Variants in PRKG1 observed in about 807,000 individuals in gnomAD.
PRKG1 encodes the protein protein kinase cGMP-dependent 1.
In PRKG1, 35 loss-of-function variants were observed where a neutral mutation model predicts 88.1. The ratio of observed to expected loss-of-function variants is 0.40; its 90% confidence interval spans 0.30 to 0.53. The LOEUF (loss-of-function observed/expected upper bound fraction) is 0.53, where lower values mean the gene tolerates loss of function less well. PRKG1 is among the 20% of genes least tolerant of loss of function. The probability of loss-of-function intolerance (pLI) is 0.59; values close to 1 mark genes in which losing one functional copy is unlikely to be tolerated. For synonymous variants in PRKG1, 303 were observed against 292.5 expected (o/e 1.04, Z -0.37); for missense variants, 540 against 839.8 (o/e 0.64, Z 4.41).
chr10:51,790,146 CTT>C (rs1166633397), intron 3 of PRKG1, among the ~76,000 whole-genome samples: 3 of 152,150 alleles, frequency 2.0e-5, no homozygotes, highest in African/African-American at 4.8e-5. Flanking sequence ...AATTTTCCCT[CTT>C]AACTTTGCAG....
At chr10:52,184,473 TTAATC>T (rs1224479459) in intron 9 of PRKG1, among the ~76,000 whole-genome samples, 1 of 152,254 alleles carries the variant, frequency 6.6e-6, no homozygotes, top group African/African-American at 2.4e-5. Flanking sequence ...CATTTCTAAA[TTAATC>T]TATTCATAGG....
rs146106459 is a variant in PRKG1, at chr10:51,304,405, G to A, written c.478+151075G>A. Among the ~76,000 whole-genome samples, 409 of 152,202 alleles carry A rather than the reference G, an allele frequency of 2.7e-3. 1 individual carries two copies. The highest frequency in any genetic ancestry group is 9.4e-3 in the African/African-American group (392 of 41,530). ...ATTAAGTTGAATATCAAAGGATGAT[G>A]TAAAATCTATTTTAATCATATACTA... On this transcript the variant is annotated intron_variant, in intron 2 of 17. Transcript: ENST00000373980.
At chr10:51,938,425 G>T (rs1842840269) in intron 5 of PRKG1, among the ~76,000 whole-genome samples, 1 of 151,954 alleles carries the variant, frequency 6.6e-6, no homozygotes, top group Non-Finnish European at 1.5e-5. Flanking sequence ...ATAAGAGGGG[G>T]TCATTGTTGG....
At chr10:51,505,933 A>G (rs1841187255) in intron 3 of PRKG1, among the ~76,000 whole-genome samples, 2 of 140,832 alleles carry the variant, frequency 1.4e-5, no homozygotes, top group Middle Eastern at 3.4e-3. Context: ...TCCTGGATTC[A>G]CTGATATTTT....
chr10:51,516,868 G>C (rs1379362066), intron 3 of PRKG1, among the ~76,000 whole-genome samples: 1 of 152,120 alleles, frequency 6.6e-6, no homozygotes, highest in Non-Finnish European at 1.5e-5. Context: ...ATTTTAGTGG[G>C]GGAGGTAGGC....
intron 5 of PRKG1, among the ~76,000 whole-genome samples, chr10:51,923,835 CT>C (rs199792932): frequency 7.1e-4 from 102 of 144,580 alleles, no homozygotes; most frequent in East Asian, 3.0e-3. Context: ...TTTTCTAATG[CT>C]TTTTTTTTTT....
intron 3 of PRKG1, among the ~76,000 whole-genome samples, chr10:51,749,626 T>G (rs988087115): frequency 6.6e-6 from 1 of 152,208 alleles, no homozygotes; most frequent in African/African-American, 2.4e-5. Flanking sequence ...GGTAAAATTG[T>G]CCTCAGCAAG....
chr10:51,656,572 T>C (rs1236729524), intron 3 of PRKG1, among the ~76,000 whole-genome samples: 1 of 152,122 alleles, frequency 6.6e-6, no homozygotes, highest in African/African-American at 2.4e-5. Flanking sequence ...ATTTGTGTAA[T>C]TCAAACTCTC....
At chr10:51,557,152 T>C (rs907320810) in intron 3 of PRKG1, among the ~76,000 whole-genome samples, 2 of 152,034 alleles carry the variant, frequency 1.3e-5, no homozygotes, top group South Asian at 2.1e-4. Context: ...TTCCCTCTCA[T>C]TGTGGTCTTT....
At position 52,039,413 on chromosome 10, in the gene PRKG1, C is replaced by T. The variant is rs576856074; in HGVS notation, c.763-15071C>T. Among the ~76,000 whole-genome samples the T allele has an allele frequency of 7.9e-5, 12 of 152,186 alleles. No individual in the cohort carries two copies. The East Asian group carries it at 2.3e-3, about 30-fold the overall frequency. The stretch of plus-strand genomic sequence containing the variant: ...ACTTAAGGCAAGGACTGGCCATTTA[C>T]ACTTCTTTTGTGGTGGAATGTCATC... On this transcript the variant is annotated intron_variant, in intron 5 of 17. Coordinates refer to ENST00000373980, the MANE Select transcript of PRKG1 (RefSeq NM_006258.4).
intron 4 of PRKG1, among the ~76,000 whole-genome samples, chr10:51,831,996 A>C (rs1006430792): frequency 1.3e-5 from 2 of 152,132 alleles, no homozygotes; most frequent in African/African-American, 2.4e-5. Flanking sequence ...TCTAAATTTG[A>C]TATAATAAGT....
intron 9 of PRKG1, among the ~76,000 whole-genome samples, chr10:52,196,836 GTTA>G (rs568062464): frequency 1.6e-4 from 24 of 152,118 alleles, no homozygotes; most frequent in Non-Finnish European, 3.2e-4. Context: ...TTTGAAATAA[GTTA>G]TTATGATAGT....
chr10:51,486,752 A>G (rs889797454), intron 3 of PRKG1, among the ~76,000 whole-genome samples: 3 of 152,154 alleles, frequency 2.0e-5, no homozygotes, highest in African/African-American at 7.2e-5. Flanking sequence ...ATCATTAACA[A>G]TTTAGGGTTC....
In PRKG1 at chr10:51,618,854, C is replaced by T. The variant is rs527690155; in HGVS notation, c.592+151018C>T. ...CACAATCTTGACTTACTGCAACTTC[C>T]GCCTCCTGGGTTCAAGCAATCCTCC... On this transcript the variant is annotated intron_variant, in intron 3 of 17. Coordinates refer to ENST00000373980, the MANE Select transcript of PRKG1 (RefSeq NM_006258.4). Among the ~76,000 whole-genome samples, 7 of 151,900 alleles carry T rather than the reference C, an allele frequency of 4.6e-5. No individual in the cohort carries two copies. In the East Asian group the frequency reaches 7.7e-4, roughly 17 times the overall value.
At chr10:51,156,314 A>ACACACACACACACACACACACAC (rs60689292) in intron 2 of PRKG1, among the ~76,000 whole-genome samples, 3,682 of 147,010 alleles carry the variant, frequency 0.025, 117 homozygotes, top group East Asian at 0.036. Flanking sequence ...CACACACACA[A>ACACACACACACACACACACACAC]ACACACACAC....
At position 52,167,322 on chromosome 10, in the gene PRKG1, G is replaced by A. The variant is rs188412579; in HGVS notation, c.1076+5359G>A. On this transcript the variant is annotated intron_variant, in intron 9 of 17. Coordinates refer to ENST00000373980, the MANE Select transcript of PRKG1 (RefSeq NM_006258.4). ...GAAGGAGAACTCACTTATTATCATG[G>A]GGATAGCACCAAGCCATTCAAAAGA... Among the ~76,000 whole-genome samples, 50 of 151,978 alleles carry A rather than the reference G, an allele frequency of 3.3e-4. No homozygotes were observed. In the East Asian group the frequency reaches 8.5e-3, roughly 26 times the overall value.
chr10:51,205,539 T>A (rs1838036240), intron 2 of PRKG1, among the ~76,000 whole-genome samples: 2 of 151,950 alleles, frequency 1.3e-5, no homozygotes, highest in South Asian at 2.1e-4. Flanking sequence ...GGGCTTTTTT[T>A]AAACTTTTAT....
At chr10:51,188,675 G>A (rs1191338390) in intron 2 of PRKG1, among the ~76,000 whole-genome samples, 1 of 151,846 alleles carries the variant, frequency 6.6e-6, no homozygotes, top group Admixed American at 6.6e-5. Flanking sequence ...GTTCCTGGTT[G>A]GGGTATGGCT....
rs56045527 is a variant in PRKG1 at position 51,549,120 on chromosome 10, CTTTTTTT to C, written c.592+81299_592+81305del. ...TTCTTTCCTTTCTTTCTTTTCTTTT[CTTTTTTT>C]TTTTTTTTTTTTTTGAGACAGAGTC... On this transcript the variant is annotated intron_variant, in intron 3 of 17. Transcript: ENST00000373980. Among the ~76,000 whole-genome samples, 29 of 70,328 alleles carry C rather than the reference CTTTTTTT, an allele frequency of 4.1e-4. 1 individual carries two copies. Among genetic ancestry groups the C allele is most frequent in the South Asian group, 1.6e-3 (2 of 1,282 alleles). 46.1% of individuals were successfully genotyped at this position (70,328 alleles called of 152,430 possible).
Sources: allele counts gnomAD v4.1 joint callset (sites outside exome capture counted in the v4.1 genomes callset), GRCh38; gene constraint gnomAD v4.1.1; transcripts MANE v1.5; gene names NCBI Gene and HGNC (gene_info 2026-07-23, HGNC 2026-07-21).